PTPRD: variants seen among roughly 807,000 people sequenced by gnomAD.
PTPRD encodes protein tyrosine phosphatase receptor type D, also known as receptor-type tyrosine-protein phosphatase delta.
PTPRD carries 34 observed loss-of-function variants against 214.5 expected under a neutral mutation model. That is an observed-to-expected ratio of 0.16 (90% CI 0.12 to 0.21). The LOEUF is 0.21. Ranked by LOEUF, PTPRD falls within the 10% of genes least tolerant of loss-of-function variation. The pLI is 1.00. For missense variants in PTPRD, 2,545 were observed against 2,398.7 expected, an observed-to-expected ratio of 1.06 and a Z score of -1.27; for synonymous variants, 1,128 against 845.7, an observed-to-expected ratio of 1.33 and a Z score of -5.79.
chr9:9,665,510 T>C (rs983513425), intron 7 of PTPRD, among the ~76,000 whole-genome samples: 3 of 151,782 alleles, frequency 2.0e-5, no homozygotes, highest in African/African-American at 4.8e-5. Flanking sequence ...TTCTGACATA[T>C]GTGAGATCCT....
Position 9,653,311 on chromosome 9 carries a change from C to T in PTPRD, c.-286-78530G>A, listed in dbSNP as rs994595184. 2.5e-5 allele frequency among the ~76,000 whole-genome samples: 3 copies of T among 118,356 alleles called. No homozygotes were observed. The Admixed American group carries it at 3.3e-4, about 13-fold the overall frequency. 77.6% of individuals were successfully genotyped at this position (118,356 alleles called of 152,430 possible). A position where few individuals can be genotyped will look rare whatever the true frequency, so the allele number is the denominator to read the frequency against. On this transcript the variant is annotated intron_variant, in intron 7 of 45. Coordinates refer to ENST00000381196, the MANE Select transcript of PTPRD (RefSeq NM_002839.4). ...GAGCCGAGATTGCGCCACTGCAGTC[C>T]GCAGTCCGGCCTGGGCGACAGAGCG...
chr9:8,494,201 G>A (rs558942222), intron 26 of PTPRD, among the ~76,000 whole-genome samples: 1 of 151,918 alleles, frequency 6.6e-6, no homozygotes, highest in African/African-American at 2.4e-5. Context: ...TTTTTTTTTA[G>A]CAAGGCTGTA....
chr9:8,349,048 A>C (rs200695666), intron 39 of PTPRD, among the ~76,000 whole-genome samples: 2 of 11,662 alleles, frequency 1.7e-4, no homozygotes, highest in Admixed American at 1.7e-3. Context: ...CAAAATTTAT[A>C]AAAAAAAAAA....
intron 9 of PTPRD, among the ~76,000 whole-genome samples, chr9:9,344,717 A>G (rs1466453669): frequency 1.3e-5 from 2 of 152,196 alleles, no homozygotes; most frequent in East Asian, 1.9e-4. Flanking sequence ...TAGATGGTAG[A>G]TACAATCCAA....
rs557108078 is a variant in PTPRD, at chr9:9,627,242, G to C, written c.-286-52461C>G. 2.0e-5 allele frequency among the ~76,000 whole-genome samples: 3 copies of C among 152,342 alleles called. No individual in the cohort carries two copies. In the South Asian group the frequency reaches 6.2e-4, roughly 32 times the overall value. The stretch of plus-strand genomic sequence containing the variant: ...GAATCGCTTGAATCTGAGAAGCAGA[G>C]GTTGCACTGAGCCGAGATTGGGCCA... On this transcript the variant is annotated intron_variant, in intron 7 of 45. Transcript: ENST00000381196.
chr9:9,842,368 A>C (rs1483380747), intron 5 of PTPRD, among the ~76,000 whole-genome samples: 1 of 134,620 alleles, frequency 7.4e-6, no homozygotes, highest in Non-Finnish European at 1.5e-5. Context: ...GCTGTGTAGT[A>C]ACACTGTAGG....
intron 11 of PTPRD, among the ~76,000 whole-genome samples, chr9:8,750,846 G>C (rs77167863): frequency 6.6e-5 from 10 of 152,268 alleles, no homozygotes; most frequent in African/African-American, 1.7e-4. Context: ...AGACACTGGA[G>C]GGCTTTATGC....
intron 10 of PTPRD, among the ~76,000 whole-genome samples, chr9:9,151,147 TACTC>T (rs2099876410): frequency 6.6e-6 from 1 of 152,216 alleles, no homozygotes; most frequent in South Asian, 2.1e-4. Flanking sequence ...CAAACTTTCT[TACTC>T]TCTCTTGCAC....
At chr9:10,270,979 T>G (rs1322158) in intron 3 of PTPRD, among the ~76,000 whole-genome samples, 6 of 151,982 alleles carry the variant, frequency 3.9e-5, no homozygotes, top group Non-Finnish European at 8.8e-5. Flanking sequence ...TGCCCCACCA[T>G]GTGCAGCTAA....
At chr9:9,831,620 C>A (rs1392579841) in intron 5 of PTPRD, among the ~76,000 whole-genome samples, 1 of 151,934 alleles carries the variant, frequency 6.6e-6, no homozygotes, top group East Asian at 1.9e-4. Flanking sequence ...GCTTGCTAAC[C>A]AACTACCTCT....
chr9:10,597,172 A>T (rs1336477899), intron 2 of PTPRD, among the ~76,000 whole-genome samples: 2 of 151,596 alleles, frequency 1.3e-5, no homozygotes, highest in Non-Finnish European at 3.0e-5. Flanking sequence ...TACGAATAGT[A>T]CAAAAGGTAA....
intron 9 of PTPRD, among the ~76,000 whole-genome samples, chr9:9,333,940 G>A (rs1013836614): frequency 2.0e-5 from 3 of 151,808 alleles, no homozygotes; most frequent in East Asian, 1.9e-4. Context: ...TAGTCTCTTC[G>A]ATCCTCAATG....
At chr9:9,102,563 C>T (rs542423423) in intron 10 of PTPRD, among the ~76,000 whole-genome samples, 9 of 152,338 alleles carry the variant, frequency 5.9e-5, no homozygotes, top group South Asian at 4.1e-4. Context: ...GATAACAACT[C>T]GCCCTCGCAT....
chr9:9,755,875 A>G (rs1456036543), intron 6 of PTPRD, among the ~76,000 whole-genome samples: 1 of 152,024 alleles, frequency 6.6e-6, no homozygotes, highest in Non-Finnish European at 1.5e-5. Flanking sequence ...TAAACATAAA[A>G]CATATAATTT....
intron 2 of PTPRD, among the ~76,000 whole-genome samples, chr9:10,365,334 T>C (rs1218308645): frequency 2.0e-5 from 3 of 152,208 alleles, no homozygotes; most frequent in Non-Finnish European, 4.4e-5. Context: ...CCCCTGACTA[T>C]GTTTCCAGCC....
intron 7 of PTPRD, among the ~76,000 whole-genome samples, chr9:9,668,350 T>C (rs2096763046): frequency 1.3e-5 from 2 of 152,190 alleles, no homozygotes; most frequent in Non-Finnish European, 2.9e-5. Context: ...CAAAGGATTT[T>C]GCTTATTTGG....
chr9:8,764,782 G>C (rs908479203), intron 11 of PTPRD, among the ~76,000 whole-genome samples: 2 of 147,276 alleles, frequency 1.4e-5, no homozygotes, highest in African/African-American at 5.0e-5. Context: ...GCAACAGAGA[G>C]TTTGTCTCAA....
chr9:9,816,713 C>T (rs2048889214), intron 5 of PTPRD, among the ~76,000 whole-genome samples: 1 of 151,826 alleles, frequency 6.6e-6, no homozygotes, highest in Non-Finnish European at 1.5e-5. Flanking sequence ...GATGCCTTAC[C>T]CCAAAATATC....
intron 11 of PTPRD, among the ~76,000 whole-genome samples, chr9:9,007,474 T>TA (rs1555695901): frequency 1.4e-5 from 2 of 147,430 alleles, no homozygotes; most frequent in East Asian, 2.0e-4. Context: ...TAAAAATATA[T>TA]TTTTTTTTAT....
Sources: gnomAD v4.1 joint callset for allele counts (sites outside exome capture counted in the v4.1 genomes callset) on GRCh38, gnomAD v4.1.1 for gene constraint, MANE v1.5 for transcripts, NCBI Gene and HGNC (gene_info 2026-07-23, HGNC 2026-07-21) for gene names.